The following TASOR variants were observed in gnomAD, a reference collection of about 807,000 sequenced individuals.
TASOR encodes the protein protein TASOR.
In TASOR, 53 loss-of-function variants were observed where a neutral mutation model predicts 178.6. The ratio of observed to expected loss-of-function variants is 0.30; its 90% CI spans 0.24 to 0.37. The LOEUF (loss-of-function observed/expected upper bound fraction) is 0.37. TASOR is among the 10% of genes least tolerant of loss of function. The pLI is 1.00. For missense variants in TASOR, 1,815 were observed against 1,971.4 expected, an observed-to-expected ratio of 0.92 and a Z score of 1.50; for synonymous variants, 713 against 696.2, an observed-to-expected ratio of 1.02 and a Z score of -0.38.
chr3:56,664,217 G>A (rs971694970), intron 7 of TASOR: 3 of 152,178 alleles, frequency 2.0e-5, no homozygotes, highest in Non-Finnish European at 2.9e-5. Context: ...CCTGAAGCAG[G>A]AGCATTCATG....
intron 1 of TASOR, among the ~76,000 whole-genome samples, chr3:56,676,279 T>C (rs1308853768): frequency 6.6e-6 from 1 of 152,206 alleles, no homozygotes; most frequent in African/African-American, 2.4e-5. Context: ...ATGGTAACAA[T>C]ATATTCTACT....
At chr3:56,630,746 G>A (rs1358386954) in intron 18 of TASOR, among the ~76,000 whole-genome samples, 2 of 152,152 alleles carry the variant, frequency 1.3e-5, no homozygotes, top group African/African-American at 4.8e-5. Flanking sequence ...TTGGGAGGAT[G>A]AGGCAGGAGA....
rs376631199 is a variant in TASOR, at chr3:56,627,752, C to A, written c.3871-11G>T. 128 of 1,607,560 alleles carry A rather than the reference C, an allele frequency of 8.0e-5. 1 individual carries two copies. The highest frequency in any genetic ancestry group is 8.2e-5 in the Non-Finnish European group (97 of 1,178,168). ...CACCAAGCCAGGTATCTGTTTAAATCCCAAAACAAAAAGAGAAACAGATGG... is the reference window on the plus strand; with the variant it reads ...CACCAAGCCAGGTATCTGTTTAAATACCAAAACAAAAAGAGAAACAGATGG... On this transcript the variant is annotated splice_polypyrimidine_tract_variant and intron_variant, in intron 19 of 23. Transcript: ENST00000683822.
In TASOR at chr3:56,633,052, C is replaced by T; in HGVS notation, c.3739G>A (p.Glu1247Lys). The change falls in exon 18 of 24, where the codon GAA (glutamate) becomes AAA (lysine). Residue 1247 changes from glutamate (E) to lysine (K), a missense_variant. Coordinates refer to ENST00000683822, the MANE Select transcript of TASOR (RefSeq NM_001365635.2). ...CCTTCTGGTTTAGTTACCTTTATTT[C>T]TTTACAGAGCACACTCTCTTCTTCT... is the stretch of plus-strand genomic sequence containing the variant. ...HEEEESVLCK[E>K]IKEYLIKLGN... is the part of the protein sequence containing the mutation. 6.4e-7 allele frequency: 1 copy of T among 1,574,438 alleles called. No individual in the cohort carries two copies. Among genetic ancestry groups the T allele is most frequent in the Non-Finnish European group, 8.6e-7 (1 of 1,165,724 alleles).
At chr3:56,668,771 C>G (rs1397149322) in intron 5 of TASOR, among the ~76,000 whole-genome samples, 2 of 151,844 alleles carry the variant, frequency 1.3e-5, no homozygotes, top group East Asian at 1.9e-4. Context: ...GTCAGGAGTT[C>G]GAGACCAGCC....
At chr3:56,637,684 A>C (rs2077044993) in intron 17 of TASOR, among the ~76,000 whole-genome samples, 1 of 152,158 alleles carries the variant, frequency 6.6e-6, no homozygotes, top group Non-Finnish European at 1.5e-5. Flanking sequence ...CTCCCAAAGG[A>C]AATAAATAAC....
chr3:56,655,709 G>A (rs1429770880), intron 11 of TASOR, among the ~76,000 whole-genome samples: 1 of 152,098 alleles, frequency 6.6e-6, no homozygotes, highest in Non-Finnish European at 1.5e-5. Context: ...TCACTTAAAA[G>A]ACAAGTAGTT....
rs141556340 is a variant in TASOR at position 56,647,215 on chromosome 3, C to T, written c.1522G>A (p.Gly508Ser). 143 of 1,528,934 alleles carry T rather than the reference C, an allele frequency of 9.4e-5. No individual in the cohort carries two copies. The highest frequency in any genetic ancestry group is 2.0e-4 in the South Asian group (15 of 75,522). 94.7% of individuals were successfully genotyped at this position (1,528,934 alleles called of 1,614,324 possible). A position where few individuals can be genotyped will look rare whatever the true frequency, so the allele number is the denominator to read the frequency against. Residue 508 changes from glycine to serine, a missense_variant, in exon 14 of 24, where the codon GGT (glycine) becomes AGT (serine). By Grantham distance (56) the Gly-to-Ser change is moderately conservative. Around this residue, in one of 5 missense-constraint regions of TASOR, gnomAD observed 504 missense variants for 645.3 expected, o/e 0.78. Coordinates refer to ENST00000683822, the MANE Select transcript of TASOR (RefSeq NM_001365635.2). ...EPRSIVTSQKGSTNAAPQERH... is the reference protein window; with the variant it reads ...EPRSIVTSQKSSTNAAPQERH... ...TCCTGTGGTGCTGCATTGGTTGAAC[C>T]TTTTTGTGCTGTAAATAAAACAAAC...
rs956298304 is a variant in TASOR at position 56,683,063 on chromosome 3, G to A, written c.-57C>T. ...TGCCCACAAGGTCGACGGGTGTGGG[G>A]GGAAGGGGCGGCGGGCCAGTCTCGC... On this transcript the variant is annotated 5_prime_UTR_variant, in exon 1 of 24. Transcript: ENST00000683822. 69 of 1,436,666 alleles carry A rather than the reference G, an allele frequency of 4.8e-5. No homozygotes were observed. The highest frequency in any genetic ancestry group is 5.7e-5 in the Non-Finnish European group (62 of 1,090,814). 89.0% of individuals were successfully genotyped at this position (1,436,666 alleles called of 1,614,324 possible). A position where few individuals can be genotyped will look rare whatever the true frequency, so the allele number is the denominator to read the frequency against.
chr3:56,665,797 C>A lies in TASOR; in HGVS notation c.1022+463G>T, dbSNP rs183184361. 2.8e-3 allele frequency among the ~76,000 whole-genome samples: 432 copies of A among 152,096 alleles called. 5 individuals carry two copies. Among genetic ancestry groups the A allele is most frequent in the African/African-American group, 0.01 (418 of 41,540 alleles). Reference sequence around the variant, plus strand: ...CCATCCTGGGTAACACAGTGAAACCCCGTCTCTACTAAAAATACAAAAAAA... The same window carrying A: ...CCATCCTGGGTAACACAGTGAAACCACGTCTCTACTAAAAATACAAAAAAA... On this transcript the variant is annotated intron_variant, in intron 7 of 23. Coordinates refer to ENST00000683822, the MANE Select transcript of TASOR (RefSeq NM_001365635.2).
At position 56,627,590 on chromosome 3, in the gene TASOR, A is replaced by G; in HGVS notation, c.4022T>C (p.Val1341Ala). 6.2e-7 allele frequency: 1 copy of G among 1,614,016 alleles called. No individual in the cohort carries two copies. The highest frequency in any genetic ancestry group is 8.5e-7 in the Non-Finnish European group (1 of 1,179,948). ...SDESILNPEV[V>A]TVENLKNFLT... ...AAAGAACATCATCTTACCAACTGTG[A>G]CAACCTCTGGGTTTAGAATTGATTC... is the stretch of plus-strand genomic sequence containing the variant. Residue 1341 changes from valine (V) to alanine (A), a missense_variant, in exon 20 of 24, where the codon GTC becomes GCC. By Grantham distance (64) the Val-to-Ala change is moderately conservative. Transcript: ENST00000683822.
At chr3:56,632,809 G>T (rs529544356) in intron 18 of TASOR, among the ~76,000 whole-genome samples, 1 of 151,898 alleles carries the variant, frequency 6.6e-6, no homozygotes. Context: ...CCTAATTTTT[G>T]TTATTAATTT....
rs1230416426 is a variant in TASOR at position 56,648,592 on chromosome 3, C to A, written c.1513+230G>T. 2.8e-5 allele frequency among the ~76,000 whole-genome samples: 4 copies of A among 141,940 alleles called. No homozygotes were observed. The East Asian group carries it at 8.4e-4, about 30-fold the overall frequency. The allele number at this position is 141,940 out of a possible 152,430, so 93.1% of individuals were successfully genotyped here. On this transcript the variant is annotated intron_variant, in intron 13 of 23. Transcript: ENST00000683822. ...GTCGCAGTGAGCTGAGATCGCGCCC[C>A]TGCACTCCAGCCTGGGCAAGAAGAG...
chr3:56,678,231 G>T (rs1010327542), intron 1 of TASOR, among the ~76,000 whole-genome samples: 2 of 143,020 alleles, frequency 1.4e-5, no homozygotes, highest in African/African-American at 2.6e-5. Flanking sequence ...GCCCGGGCTG[G>T]AGTGCAGTGG....
At chr3:56,627,226 A>G in intron 20 of TASOR, 81 bp from the exon 21 acceptor site, 2 of 850,508 alleles carry the variant, frequency 2.4e-6, no homozygotes, top group Non-Finnish European at 3.7e-6. Flanking sequence ...GTTTTTTCAT[A>G]TTATGTAGAA....
At chr3:56,626,141 T>G (rs2076794290) in intron 21 of TASOR, among the ~76,000 whole-genome samples, 1 of 152,236 alleles carries the variant, frequency 6.6e-6, no homozygotes, top group South Asian at 2.1e-4. Context: ...GAGTTCTTCA[T>G]ATCCTTTAAT....
At chr3:56,662,270 T>A in intron 9 of TASOR, 115 bp downstream of exon 9, 1 of 652,304 alleles carries the variant, frequency 1.5e-6, no homozygotes, top group Non-Finnish European at 2.7e-6. Context: ...AACCAACATT[T>A]ATATTGAAGT....
Position 56,669,718 on chromosome 3 carries a change from A to C in TASOR, c.717T>G (p.Val239=), listed in dbSNP as rs13094666. ...PLDTGAMGDV[V]IFKIMKGKIK... ...AAATTACCTTCATTATTTTAAAAAT[A>C]ACAACATCACCCATTGCCCCCGTGT... is the stretch of plus-strand genomic sequence containing the variant. Residue 239 remains valine, a synonymous_variant, in exon 5 of 24, where the codon GTT becomes GTG. Transcript: ENST00000683822. 0.31 allele frequency: 476,765 copies of C among 1,540,890 alleles called. 76,363 individuals are homozygous for C. Among genetic ancestry groups the C allele is most frequent in the Admixed American group, 0.48 (24,123 of 50,080 alleles).
Position 56,682,871 on chromosome 3 carries a change from G to C in TASOR, c.136C>G (p.Leu46Val), listed in dbSNP as rs962756844. Residue 46 changes from leucine (L) to valine (V), a missense_variant, in exon 1 of 24, where the codon CTC (leucine) becomes GTC (valine). Leu to Val is a conservative substitution (Grantham distance 32). This residue lies in a region of TASOR where 244 missense variants were observed against 202.7 expected (regional missense o/e 1.20). Transcript: ENST00000683822. ...SSQQNGGGGG[L>V]NIAEPSGGAG... is the part of the protein sequence containing the mutation. ...CCGCCGCTGGGCTCAGCGATGTTGA[G>C]GCCGCCGCCGCCGCCATTTTGTTGG... 3.9e-6 allele frequency: 6 copies of C among 1,548,982 alleles called. No homozygotes were observed. The African/African-American group carries it at 8.2e-5, about 21-fold the overall frequency.
Sources: gnomAD v4.1 joint callset for allele counts (sites outside exome capture counted in the v4.1 genomes callset) on GRCh38, gnomAD v4.1.1 for gene constraint, gnomAD v4.1.1 regional missense constraint, MANE v1.5 for transcripts, NCBI Gene and HGNC (gene_info 2026-07-23, HGNC 2026-07-21) for gene names.